TBCK: variants seen among roughly 807,000 people sequenced by gnomAD.
The protein encoded by TBCK is TBC1 domain containing kinase.
Under a neutral mutation model 113.4 loss-of-function variants are expected in TBCK, and 99 were observed. That is an observed-to-expected ratio of 0.87 (90% CI 0.74 to 1.03). TBCK has a LOEUF of 1.03. Ranked by LOEUF, TBCK falls within the 50% of genes least tolerant of loss-of-function variation. TBCK has a pLI of 0.00. For synonymous variants in TBCK, 369 were observed against 370.8 expected, an observed-to-expected ratio of 1.00 and a Z score of 0.05; for missense variants, 1,045 against 1,061.3, an observed-to-expected ratio of 0.98 and a Z score of 0.21.
intron 25 of TBCK, among the ~76,000 whole-genome samples, chr4:106,073,352 C>G (rs1304356884): frequency 6.6e-6 from 1 of 152,166 alleles, no homozygotes; most frequent in East Asian, 1.9e-4. Context: ...TCTAACAGGT[C>G]CCTCAGCTGC....
chr4:106,266,448 G>C (rs1297878048), intron 3 of TBCK, among the ~76,000 whole-genome samples: 1 of 151,796 alleles, frequency 6.6e-6, no homozygotes. Context: ...CCTTTAAAGT[G>C]ATTTTCCCAT....
chr4:106,053,538 G>A (rs1293529499), intron 25 of TBCK, among the ~76,000 whole-genome samples: 1 of 151,468 alleles, frequency 6.6e-6, no homozygotes, highest in African/African-American at 2.4e-5. Context: ...TTGACTTCGT[G>A]CTCCATTGCT....
intron 5 of TBCK, among the ~76,000 whole-genome samples, chr4:106,256,412 A>C (rs1761994596): frequency 6.6e-6 from 1 of 152,202 alleles, no homozygotes; most frequent in Non-Finnish European, 1.5e-5. Flanking sequence ...GAGTCAAGGC[A>C]GCAGGGGGCT....
chr4:106,069,976 T>A (rs1167202448), intron 25 of TBCK, among the ~76,000 whole-genome samples: 1 of 152,206 alleles, frequency 6.6e-6, no homozygotes, highest in Admixed American at 6.5e-5. Flanking sequence ...CTTGTGATTT[T>A]TGCACATTGA....
intron 12 of TBCK, chr4:106,237,541 A>G (rs1051893115): frequency 8.8e-6 from 4 of 455,666 alleles, no homozygotes; most frequent in Admixed American, 4.7e-5. Flanking sequence ...GTCTGCTCCT[A>G]TGGGGATTGA....
intron 20 of TBCK, among the ~76,000 whole-genome samples, chr4:106,206,414 C>A (rs547951914): frequency 6.6e-6 from 1 of 152,066 alleles, no homozygotes. Flanking sequence ...AGCTTCACTA[C>A]GAGAGAGAGA....
At position 106,204,035 on chromosome 4, in the gene TBCK, T is replaced by A. The variant is rs141655116; in HGVS notation, c.1860+8715A>T. On this transcript the variant is annotated intron_variant, in intron 20 of 25. Transcript: ENST00000394708. ...TCCATTATAGCTTGTAATATAATGT[T>A]CTTCTAAATATGAATCATGCTAATA... 2.5e-3 allele frequency among the ~76,000 whole-genome samples: 382 copies of A among 152,270 alleles called. 2 individuals are homozygous for A. The highest frequency in any genetic ancestry group is 9.0e-3 in the African/African-American group (373 of 41,576).
At position 106,289,780 on chromosome 4, in the gene TBCK, GA is replaced by G. The variant is rs78336547; in HGVS notation, c.266+5313del. Among the ~76,000 whole-genome samples, 177 of 130,832 alleles carry G rather than the reference GA, an allele frequency of 1.4e-3. 2 individuals carry two copies. The highest frequency in any genetic ancestry group is 4.3e-3 in the Admixed American group (57 of 13,172). 85.8% of individuals were successfully genotyped at this position (130,832 alleles called of 152,430 possible). A position where few individuals can be genotyped will look rare whatever the true frequency, so the allele number is the denominator to read the frequency against. Reference sequence around the variant, plus strand: ...GAGACTCTGTCTCAAAAAAAAAAAAGAAAAAAAAAAAGACGATTGATGTATT... The same window carrying G: ...GAGACTCTGTCTCAAAAAAAAAAAAGAAAAAAAAAAGACGATTGATGTATT... On this transcript the variant is annotated intron_variant, in intron 3 of 25. Coordinates refer to ENST00000394708, the MANE Select transcript of TBCK (RefSeq NM_001163435.3).
At chr4:106,200,152 G>T (rs1754712804) in intron 20 of TBCK, among the ~76,000 whole-genome samples, 1 of 152,174 alleles carries the variant, frequency 6.6e-6, no homozygotes, top group Non-Finnish European at 1.5e-5. Flanking sequence ...AGCAACTGCT[G>T]CTGCTTTCGC....
chr4:106,111,652 T>C (rs894854045), intron 24 of TBCK, among the ~76,000 whole-genome samples: 1 of 152,208 alleles, frequency 6.6e-6, no homozygotes, highest in Non-Finnish European at 1.5e-5. Context: ...CCAACAGAGC[T>C]AGTACTTTTC....
At chr4:106,217,338 A>G (rs1191768749) in intron 19 of TBCK, among the ~76,000 whole-genome samples, 2 of 152,118 alleles carry the variant, frequency 1.3e-5, no homozygotes. Context: ...CACCACTCCT[A>G]TTCAACATAG....
Position 106,102,816 on chromosome 4 carries a change from G to A in TBCK, c.2412-7175C>T, listed in dbSNP as rs1741702851. Among the ~76,000 whole-genome samples, 3 of 152,152 alleles carry A rather than the reference G, an allele frequency of 2.0e-5. No individual in the cohort carries two copies. The South Asian group carries it at 6.2e-4, about 32-fold the overall frequency. ...TTTGCTTCCTCTAGGGAAGGAAAAG[G>A]TGTTAGAGAAAGTTTCTTTTTTTTC... is the stretch of plus-strand genomic sequence containing the variant. On this transcript the variant is annotated intron_variant, in intron 24 of 25. Transcript: ENST00000394708.
chr4:106,204,688 C>T (rs1003992344), intron 20 of TBCK, among the ~76,000 whole-genome samples: 2 of 150,400 alleles, frequency 1.3e-5, no homozygotes, highest in Middle Eastern at 3.2e-3. Flanking sequence ...CATCTGTGAG[C>T]TAATATTGAT....
chr4:106,206,619 G>A (rs1201123463), intron 20 of TBCK, among the ~76,000 whole-genome samples: 4 of 152,068 alleles, frequency 2.6e-5, no homozygotes, highest in African/African-American at 9.7e-5. Context: ...AGTTTTTCCT[G>A]TAATTACATC....
At chr4:106,211,031 G>A (rs1020171221) in intron 20 of TBCK, among the ~76,000 whole-genome samples, 1 of 152,032 alleles carries the variant, frequency 6.6e-6, no homozygotes, top group African/African-American at 2.4e-5. Flanking sequence ...AGCCTCAAGT[G>A]ATCCTCCTGC....
At chr4:106,136,460 G>T (rs1274960373) in intron 23 of TBCK, among the ~76,000 whole-genome samples, 1 of 141,316 alleles carries the variant, frequency 7.1e-6, no homozygotes, top group Non-Finnish European at 1.6e-5. Flanking sequence ...AGTGGAGATT[G>T]AAAGGATGAA....
At chr4:106,094,091 A>G (rs1332123363) in intron 25 of TBCK, among the ~76,000 whole-genome samples, 3 of 152,210 alleles carry the variant, frequency 2.0e-5, no homozygotes, top group African/African-American at 4.8e-5. Context: ...TAGTGAAGGC[A>G]TCAAATTTGG....
chr4:106,212,736 C>A lies in TBCK; in HGVS notation c.1860+14G>T, dbSNP rs772647454. Reference sequence around the variant, plus strand: ...TTTTTAACCACATGTTCTATTAATGCACCAAGTACTTACATCTGGAATGAA... The same window carrying A: ...TTTTTAACCACATGTTCTATTAATGAACCAAGTACTTACATCTGGAATGAA... On this transcript the variant is annotated intron_variant, in intron 20 of 25. Transcript: ENST00000394708. 4.5e-6 allele frequency: 7 copies of A among 1,559,812 alleles called. No individual in the cohort carries two copies. The South Asian group carries it at 6.9e-5, about 15-fold the overall frequency.
intron 25 of TBCK, among the ~76,000 whole-genome samples, chr4:106,081,019 A>C (rs914894915): frequency 6.6e-6 from 1 of 152,180 alleles, no homozygotes; most frequent in African/African-American, 2.4e-5. Flanking sequence ...GTCAAACAAC[A>C]TATGCTGGCA....
Sources: gnomAD v4.1 joint callset for allele counts (sites outside exome capture counted in the v4.1 genomes callset) on GRCh38, gnomAD v4.1.1 for gene constraint, MANE v1.5 for transcripts, NCBI Gene and HGNC (gene_info 2026-07-23, HGNC 2026-07-21) for gene names.